The following OSBPL1A variants were observed in gnomAD, a reference collection of about 807,000 sequenced individuals.
OSBPL1A encodes the protein oxysterol-binding protein-related protein 1.
In OSBPL1A, 80 loss-of-function variants were observed where a neutral mutation model predicts 137.1. The observed-to-expected ratio is 0.58, with a 90% CI of 0.49 to 0.70. The LOEUF (loss-of-function observed/expected upper bound fraction) is 0.70. Ranked by LOEUF, OSBPL1A falls within the 30% of genes least tolerant of loss-of-function variation. The pLI, the probability that OSBPL1A is intolerant of heterozygous loss-of-function variation, is 0.00. For missense variants in OSBPL1A, 970 were observed against 1,129.4 expected, an observed-to-expected ratio of 0.86 and a Z score of 2.02; for synonymous variants, 365 against 389.7, an observed-to-expected ratio of 0.94 and a Z score of 0.75.
chr18:24,245,073 T>C (rs1323028316), intron 15 of OSBPL1A, among the ~76,000 whole-genome samples: 1 of 152,096 alleles, frequency 6.6e-6, no homozygotes, highest in Non-Finnish European at 1.5e-5. Context: ...ATTAACAAAA[T>C]GTATTAGAGA....
At chr18:24,314,768 A>G (rs1388205562) in intron 11 of OSBPL1A, among the ~76,000 whole-genome samples, 2 of 152,226 alleles carry the variant, frequency 1.3e-5, no homozygotes, top group African/African-American at 4.8e-5. Flanking sequence ...GAAAAGGGAA[A>G]GAGAGTAAGA....
chr18:24,255,257 G>A, intron 15 of OSBPL1A, among the ~76,000 whole-genome samples: 1 of 152,156 alleles, frequency 6.6e-6, no homozygotes, highest in African/African-American at 2.4e-5. Context: ...CTTCACTGCT[G>A]AATTCTACCA....
At chr18:24,182,515 T>G (rs1229526005) in intron 18 of OSBPL1A, among the ~76,000 whole-genome samples, 1 of 152,204 alleles carries the variant, frequency 6.6e-6, no homozygotes, top group Admixed American at 6.5e-5. Flanking sequence ...GACTTACCTC[T>G]GACTTTTCCC....
chr18:24,226,948 G>T (rs1438074783), intron 16 of OSBPL1A, among the ~76,000 whole-genome samples: 1 of 137,998 alleles, frequency 7.2e-6, no homozygotes, highest in Non-Finnish European at 1.5e-5. Flanking sequence ...CTGGAGTGCA[G>T]TGGTGCAATC....
intron 15 of OSBPL1A, 64 bp from the exon 16 acceptor site, chr18:24,239,446 G>C: frequency 6.9e-7 from 1 of 1,439,138 alleles, no homozygotes; most frequent in Non-Finnish European, 9.5e-7. Context: ...GTACTCAGAG[G>C]ATGTGAAAAT....
chr18:24,178,556 G>A (rs1458244615), intron 20 of OSBPL1A, among the ~76,000 whole-genome samples: 1 of 152,126 alleles, frequency 6.6e-6, no homozygotes, highest in Admixed American at 6.6e-5. Flanking sequence ...CTCCCAAAGT[G>A]CTGGGATTAC....
At chr18:24,319,677 G>A (rs929501058) in intron 7 of OSBPL1A, among the ~76,000 whole-genome samples, 3 of 148,176 alleles carry the variant, frequency 2.0e-5, no homozygotes, top group Admixed American at 2.0e-4. Context: ...AAGGACAAAA[G>A]GTAAAAAAAC....
intron 1 of OSBPL1A, among the ~76,000 whole-genome samples, chr18:24,385,483 A>G (rs1906902893): frequency 6.6e-6 from 1 of 152,204 alleles, no homozygotes; most frequent in Non-Finnish European, 1.5e-5. Flanking sequence ...AGAACCCTCA[A>G]TGGGAGAAAA....
chr18:24,202,180 GT>G (rs1044051493), intron 17 of OSBPL1A, among the ~76,000 whole-genome samples: 9 of 152,160 alleles, frequency 5.9e-5, no homozygotes, highest in African/African-American at 2.2e-4. Flanking sequence ...CAGAGCTACA[GT>G]GCAAACTCTT....
At chr18:24,287,688 G>A (rs976738101) in intron 14 of OSBPL1A, among the ~76,000 whole-genome samples, 1 of 151,990 alleles carries the variant, frequency 6.6e-6, no homozygotes, top group African/African-American at 2.4e-5. Context: ...CAGGAGAATC[G>A]CTTGAACCAG....
At chr18:24,200,360 G>A (rs2087181934) in intron 17 of OSBPL1A, among the ~76,000 whole-genome samples, 1 of 151,988 alleles carries the variant, frequency 6.6e-6, no homozygotes, top group South Asian at 2.1e-4. Context: ...TCTGGAGTTC[G>A]AGACCAGCCT....
At chr18:24,298,315 C>T (rs1210639528) in intron 14 of OSBPL1A, among the ~76,000 whole-genome samples, 1 of 152,130 alleles carries the variant, frequency 6.6e-6, no homozygotes, top group Non-Finnish European at 1.5e-5. Flanking sequence ...TTCTTTTATT[C>T]CTTTACTTTC....
chr18:24,393,321 ACT>A (rs1315260460), intron 1 of OSBPL1A, among the ~76,000 whole-genome samples: 2 of 152,192 alleles, frequency 1.3e-5, no homozygotes, highest in African/African-American at 4.8e-5. Context: ...TTAATCTAAC[ACT>A]CTGATTCTAG....
At chr18:24,257,719 A>C (rs1447664382) in intron 15 of OSBPL1A, among the ~76,000 whole-genome samples, 1 of 152,218 alleles carries the variant, frequency 6.6e-6, no homozygotes, top group Non-Finnish European at 1.5e-5. Flanking sequence ...AAATATTTGC[A>C]AACTACCCAT....
At chr18:24,321,247 T>A (rs1324563188) in intron 7 of OSBPL1A, among the ~76,000 whole-genome samples, 1 of 152,162 alleles carries the variant, frequency 6.6e-6, no homozygotes, top group Non-Finnish European at 1.5e-5. Flanking sequence ...CACAGAGTTG[T>A]GCAACTATCA....
intron 2 of OSBPL1A, among the ~76,000 whole-genome samples, chr18:24,371,055 G>C (rs73394389): frequency 0.036 from 5,477 of 152,062 alleles, 314 homozygotes; most frequent in African/African-American, 0.12. Context: ...TCACTTCAAC[G>C]TTTATCATAT....
intron 15 of OSBPL1A, among the ~76,000 whole-genome samples, chr18:24,248,981 CA>C (rs1180550864): frequency 6.6e-6 from 1 of 152,206 alleles, no homozygotes; most frequent in Non-Finnish European, 1.5e-5. Flanking sequence ...TCTTCTGAAA[CA>C]AAAGTCGTGT....
intron 7 of OSBPL1A, among the ~76,000 whole-genome samples, chr18:24,329,929 T>C (rs948561620): frequency 6.6e-5 from 10 of 152,162 alleles, no homozygotes; most frequent in South Asian, 6.2e-4. Context: ...AATTTTAAAT[T>C]GAATGTATTT....
At chr18:24,263,311 G>A (rs997163317) in intron 15 of OSBPL1A, among the ~76,000 whole-genome samples, 18 of 152,132 alleles carry the variant, frequency 1.2e-4, no homozygotes, top group African/African-American at 3.4e-4. Context: ...TGCTAAGTAC[G>A]TGCTGTACTA....
Sources: gnomAD v4.1 joint callset for allele counts (sites outside exome capture counted in the v4.1 genomes callset) on GRCh38, gnomAD v4.1.1 for gene constraint, MANE v1.5 for transcripts, NCBI Gene and HGNC (gene_info 2026-07-23, HGNC 2026-07-21) for gene names.